Variants in ARIH2 observed in about 807,000 individuals in gnomAD.
ARIH2 encodes the protein E3 ubiquitin-protein ligase ARIH2.
A neutral mutation model predicts 79.8 loss-of-function variants in ARIH2; 12 were observed. The ratio of observed to expected loss-of-function variants is 0.15; its 90% CI spans 0.10 to 0.24. The LOEUF is 0.24. ARIH2 is among the 10% of genes least tolerant of loss of function. The probability of loss-of-function intolerance (pLI) is 1.00; values close to 1 mark genes in which losing one functional copy is unlikely to be tolerated. For missense variants in ARIH2, 301 were observed against 618.3 expected, an observed-to-expected ratio of 0.49 and a Z score of 5.44; for synonymous variants, 224 against 213.9, an observed-to-expected ratio of 1.05 and a Z score of -0.41.
At chr3:48,960,817 TGTA>T (rs1379827955) in intron 3 of ARIH2, among the ~76,000 whole-genome samples, 2 of 152,020 alleles carry the variant, frequency 1.3e-5, no homozygotes, top group Non-Finnish European at 2.9e-5. Flanking sequence ...AAAATAACCA[TGTA>T]GTAGTCCATT....
At position 48,926,242 on chromosome 3, in the gene ARIH2, C is replaced by CGTGTGTGTGTGT. The variant is rs34080246; in HGVS notation, c.-97-1207_-97-1196dup. The stretch of plus-strand genomic sequence containing the variant: ...TTCTTTTTTGAGATGGAGTTTCCCT[C>CGTGTGTGTGTGT]GTGTGTGTGTGTGTGTGTGTGTGTA... On this transcript the variant is annotated intron_variant, in intron 2 of 15. Transcript: ENST00000356401. Among the ~76,000 whole-genome samples, 17 of 148,148 alleles carry CGTGTGTGTGTGT rather than the reference C, an allele frequency of 1.1e-4. No individual in the cohort carries two copies. In the East Asian group the frequency reaches 1.4e-3, roughly 12 times the overall value.
chr3:48,973,589 A>G (rs1442856009), intron 8 of ARIH2, 110 bp from the exon 9 acceptor site: 5 of 774,658 alleles, frequency 6.5e-6, no homozygotes, highest in African/African-American at 3.5e-5. Flanking sequence ...AAAAAAAAAA[A>G]AAAGAAAAAA....
At chr3:48,919,019 A>G (rs976961841) in intron 1 of ARIH2, 21 bp downstream of exon 1, 3 of 1,422,916 alleles carry the variant, frequency 2.1e-6, no homozygotes, top group South Asian at 1.5e-5. Context: ...GGCGCACGTC[A>G]CGGCCTTGTT....
At position 48,980,488 on chromosome 3, in the gene ARIH2, T is replaced by C. The variant is rs1229998448; in HGVS notation, c.1249T>C (p.Leu417=). ...WQYLQNAAKL[L]AKCRYTLQYT... ...GTACCTACAGAATGCTGCCAAGCTC[T>C]TGGCCAAGGTATCTACCACTTCACT... The change falls in exon 13 of 16, where the codon TTG becomes CTG. Residue 417 remains leucine (L), a synonymous_variant. Transcript: ENST00000356401. 2.5e-6 allele frequency: 4 copies of C among 1,613,986 alleles called. No homozygotes were observed. Among genetic ancestry groups the C allele is most frequent in the Non-Finnish European group, 3.4e-6 (4 of 1,179,918 alleles).
At chr3:48,920,491 T>C (rs2084664246) in intron 1 of ARIH2, among the ~76,000 whole-genome samples, 1 of 65,152 alleles carries the variant, frequency 1.5e-5, no homozygotes, top group Non-Finnish European at 2.7e-5. Flanking sequence ...GTGAGCAATT[T>C]CTTTTTTTTT....
chr3:48,938,742 T>TGTCTG (rs1306192266), intron 3 of ARIH2, among the ~76,000 whole-genome samples: 2 of 151,982 alleles, frequency 1.3e-5, no homozygotes, highest in Non-Finnish European at 2.9e-5. Flanking sequence ...AGTGGGGTGT[T>TGTCTG]GTCTGGGGAC....
chr3:48,979,418 C>A, intron 11 of ARIH2, 64 bp from the exon 12 acceptor site: 1 of 1,564,080 alleles, frequency 6.4e-7, no homozygotes. Context: ...TCTCACTCCT[C>A]TGCCTATGGA....
chr3:48,924,494 C>T (rs369685641), intron 2 of ARIH2, among the ~76,000 whole-genome samples: 4 of 151,454 alleles, frequency 2.6e-5, no homozygotes, highest in Non-Finnish European at 5.9e-5. Context: ...GACGCATGAC[C>T]GCTATGCCTG....
In ARIH2 at chr3:48,973,689, C is replaced by A; in HGVS notation, c.771-10C>A. ...TGAATATTTGAATGTTTTTCTTTTC[C>A]AATTTTAAGTTTCAAGTGTCGTCAG... On this transcript the variant is annotated splice_polypyrimidine_tract_variant and intron_variant, in intron 8 of 15. Transcript: ENST00000356401. The A allele has an allele frequency of 6.2e-7, 1 of 1,602,414 alleles. No individual in the cohort carries two copies. Among genetic ancestry groups the A allele is most frequent in the East Asian group, 2.2e-5 (1 of 44,734 alleles).
intron 1 of ARIH2, chr3:48,919,312 C>G (rs946553547): frequency 6.9e-6 from 6 of 866,946 alleles, no homozygotes; most frequent in African/African-American, 1.8e-5. Flanking sequence ...CGCGCCGCCT[C>G]GGGGCTCACC....
At chr3:48,927,145 C>G (rs1051925222) in intron 2 of ARIH2, 3 of 203,440 alleles carry the variant, frequency 1.5e-5, no homozygotes, top group African/African-American at 7.0e-5. Flanking sequence ...ATGTGCTTCT[C>G]CCTTAAGGAC....
At chr3:48,957,475 G>C (rs1397178081) in intron 3 of ARIH2, among the ~76,000 whole-genome samples, 1 of 152,146 alleles carries the variant, frequency 6.6e-6, no homozygotes, top group East Asian at 1.9e-4. Context: ...TTAGTGTAAA[G>C]GGCCCATCTG....
intron 3 of ARIH2, among the ~76,000 whole-genome samples, chr3:48,935,364 CATAA>C (rs2086966911): frequency 6.6e-6 from 1 of 152,214 alleles, no homozygotes; most frequent in African/African-American, 2.4e-5. Flanking sequence ...ACTTTGTCCT[CATAA>C]ATACTTTAAA....
intron 9 of ARIH2, among the ~76,000 whole-genome samples, chr3:48,974,262 G>A (rs1167821965): frequency 1.3e-5 from 2 of 152,154 alleles, no homozygotes; most frequent in Admixed American, 6.5e-5. Flanking sequence ...TCAGTCACTC[G>A]CCGAGTCAGT....
chr3:48,936,772 G>A (rs866132884), intron 3 of ARIH2, among the ~76,000 whole-genome samples: 12 of 151,078 alleles, frequency 7.9e-5, no homozygotes, highest in South Asian at 2.1e-4. Flanking sequence ...GCTCATGCCT[G>A]TAATCCCAGC....
Position 48,927,616 on chromosome 3 carries a change from A to G in ARIH2, c.58A>G (p.Asn20Asp). The change falls in exon 3 of 16, where the codon AAT becomes GAT. Residue 20 changes from asparagine (N) to aspartate (D), a missense_variant. Around this residue, in one of 2 missense-constraint regions of ARIH2, gnomAD observed 223 missense variants for 349.4 expected, o/e 0.64. Coordinates refer to ENST00000356401, the MANE Select transcript of ARIH2 (RefSeq NM_006321.4). ...CAGCAATGAAGAGGACTATGACCCA[A>G]ATTGTGAGGAAGAGGAAGAAGAAGA... ...SDSNEEDYDPNCEEEEEEEED... is the reference protein window; with the variant it reads ...SDSNEEDYDPDCEEEEEEEED... The G allele has an allele frequency of 1.2e-6, 2 of 1,613,990 alleles. No homozygotes were observed. Among genetic ancestry groups the G allele is most frequent in the African/African-American group, 2.7e-5 (2 of 75,036 alleles).
At chr3:48,972,154 C>T (rs1186108453) in intron 8 of ARIH2, among the ~76,000 whole-genome samples, 1 of 152,176 alleles carries the variant, frequency 6.6e-6, no homozygotes. Context: ...CCTCACCATG[C>T]CCTTTGAGAG....
intron 3 of ARIH2, among the ~76,000 whole-genome samples, chr3:48,933,235 GGTGTGTGTGTGT>G (rs57911300): frequency 0.022 from 2,902 of 134,344 alleles, 72 homozygotes; most frequent in African/African-American, 0.044. Context: ...CACATGCCCG[GGTGTGTGTGTGT>G]GTGTGTGTGT....
chr3:48,929,916 A>G (rs2106964149), intron 3 of ARIH2, among the ~76,000 whole-genome samples: 1 of 152,356 alleles, frequency 6.6e-6, no homozygotes, highest in East Asian at 1.9e-4. Context: ...GAGAAGAGTA[A>G]GAGCAAAAAG....
Sources: allele counts gnomAD v4.1 joint callset (sites outside exome capture counted in the v4.1 genomes callset), GRCh38; gene constraint gnomAD v4.1.1; regional missense constraint gnomAD v4.1.1; transcripts MANE v1.5; gene names NCBI Gene and HGNC (gene_info 2026-07-23, HGNC 2026-07-21).